The following CNOT6L variants were observed in gnomAD, a reference collection of about 807,000 sequenced individuals.
The protein encoded by CNOT6L is CCR4-NOT transcription complex subunit 6-like.
CNOT6L carries 7 observed loss-of-function variants against 64.0 expected under a neutral mutation model. The ratio of observed to expected loss-of-function variants is 0.11; its 90% CI spans 0.06 to 0.21. The LOEUF (loss-of-function observed/expected upper bound fraction) is 0.21. Ranked by LOEUF, CNOT6L falls within the 10% of genes least tolerant of loss-of-function variation. CNOT6L has a pLI of 1.00. For missense variants in CNOT6L, 245 were observed against 669.0 expected, an observed-to-expected ratio of 0.37 and a Z score of 6.99; for synonymous variants, 193 against 243.4, an observed-to-expected ratio of 0.79 and a Z score of 1.93.
At chr4:77,810,455 CAT>C (rs1732791554) in intron 1 of CNOT6L, among the ~76,000 whole-genome samples, 1 of 152,100 alleles carries the variant, frequency 6.6e-6, no homozygotes, top group Non-Finnish European at 1.5e-5. Flanking sequence ...TTAAACTAAA[CAT>C]AAAATTTTTT....
At position 77,718,035 on chromosome 4, in the gene CNOT6L, CATTT is replaced by C. The variant is rs1560566790; in HGVS notation, c.*2392_*2395del. The C allele has an allele frequency of 8.1e-5, 1 of 12,386 alleles. No homozygotes were observed. Among genetic ancestry groups the C allele is most frequent in the African/African-American group, 8.3e-4 (1 of 1,210 alleles). The allele number at this position is 12,386 out of a possible 1,614,324, so 0.8% of individuals were successfully genotyped here. ...AACTTAAGCTGTTTACAATGTTTCC[CATTT>C]TTTTTTATTTTTTCCCTCTACATTT... is the stretch of plus-strand genomic sequence containing the variant. On this transcript the variant is annotated 3_prime_UTR_variant, in exon 12 of 12. Coordinates refer to ENST00000504123, the MANE Select transcript of CNOT6L (RefSeq NM_144571.3).
intron 6 of CNOT6L, among the ~76,000 whole-genome samples, chr4:77,747,954 A>C (rs977993935): frequency 6.6e-6 from 1 of 152,210 alleles, no homozygotes; most frequent in African/African-American, 2.4e-5. Context: ...CATTTTTCTT[A>C]AATCACCCAA....
chr4:77,797,102 CAAAAAAAAAAA>C (rs386400560), intron 1 of CNOT6L, among the ~76,000 whole-genome samples: 20 of 52,988 alleles, frequency 3.8e-4, no homozygotes, highest in South Asian at 1.2e-3. Flanking sequence ...GACCTTGTCT[CAAAAAAAAAAA>C]AAAAAAAAAA....
chr4:77,811,380 A>G (rs951484393), intron 1 of CNOT6L, among the ~76,000 whole-genome samples: 7 of 152,040 alleles, frequency 4.6e-5, no homozygotes, highest in African/African-American at 1.7e-4. Flanking sequence ...ATCTCTACTA[A>G]AAGTACAAAA....
intron 7 of CNOT6L, among the ~76,000 whole-genome samples, chr4:77,743,828 T>G (rs1577938538): frequency 6.6e-6 from 1 of 151,940 alleles, no homozygotes; most frequent in African/African-American, 2.4e-5. Flanking sequence ...TCTCAAACTC[T>G]TGACCCCAAG....
intron 1 of CNOT6L, among the ~76,000 whole-genome samples, chr4:77,782,326 A>G (rs1421324487): frequency 6.6e-6 from 1 of 151,696 alleles, no homozygotes; most frequent in Non-Finnish European, 1.5e-5. Context: ...TTCCTTATCA[A>G]TATCTTTTTT....
chr4:77,807,226 C>T (rs1258958126), intron 1 of CNOT6L, among the ~76,000 whole-genome samples: 1 of 142,136 alleles, frequency 7.0e-6, no homozygotes, highest in East Asian at 2.1e-4. Context: ...TGCAGTGAGC[C>T]GAGATCGCGC....
At chr4:77,741,047 T>C (rs528629930) in intron 8 of CNOT6L, among the ~76,000 whole-genome samples, 1 of 152,284 alleles carries the variant, frequency 6.6e-6, no homozygotes, top group East Asian at 1.9e-4. Flanking sequence ...CAGAACATAT[T>C]CCCGTAGTTA....
intron 1 of CNOT6L, among the ~76,000 whole-genome samples, chr4:77,815,447 C>G (rs540149605): frequency 6.6e-6 from 1 of 152,188 alleles, no homozygotes; most frequent in East Asian, 1.9e-4. Context: ...TGACTCTTCC[C>G]TCCTTTCTCC....
At chr4:77,767,693 C>T (rs1158367931) in intron 4 of CNOT6L, among the ~76,000 whole-genome samples, 2 of 151,738 alleles carry the variant, frequency 1.3e-5, no homozygotes, top group Non-Finnish European at 2.9e-5. Flanking sequence ...AAATCAGTTA[C>T]AAGGGCCAGG....
chr4:77,769,935 C>T (rs1251097682), intron 4 of CNOT6L, among the ~76,000 whole-genome samples: 1 of 152,132 alleles, frequency 6.6e-6, no homozygotes, highest in East Asian at 1.9e-4. Flanking sequence ...TTGCCTTACA[C>T]CTTAGGACAT....
At chr4:77,748,639 G>A (rs1724477033) in intron 5 of CNOT6L, among the ~76,000 whole-genome samples, 1 of 152,062 alleles carries the variant, frequency 6.6e-6, no homozygotes, top group South Asian at 2.1e-4. Context: ...TGGTATTTAC[G>A]AAAAGTACCT....
chr4:77,818,940 C>T (rs1340408370), intron 1 of CNOT6L: 1 of 634,678 alleles, frequency 1.6e-6, no homozygotes, highest in South Asian at 1.5e-5. Context: ...CTCACTCAGC[C>T]CTCCCCGGCC....
Position 77,728,993 on chromosome 4 carries a change from C to T in CNOT6L, c.1113G>A (p.Lys371=), listed in dbSNP as rs756432605. The change falls in exon 10 of 12, where the codon AAG becomes AAA. Residue 371 remains lysine, a synonymous_variant. Transcript: ENST00000504123. ...MHWDPEYSDV[K]LIQTMMFVSE... is the part of the protein sequence containing the mutation. ...AGACAAACATCATGGTCTGGATGAG[C>T]TTCACATCAGAATACTCTGGGTCCC... The T allele has an allele frequency of 5.6e-6, 9 of 1,613,670 alleles. No individual in the cohort carries two copies. In the Admixed American group the frequency reaches 1.5e-4, roughly 27 times the overall value.
At chr4:77,804,420 C>T (rs1731980034) in intron 1 of CNOT6L, among the ~76,000 whole-genome samples, 1 of 149,968 alleles carries the variant, frequency 6.7e-6, no homozygotes, top group South Asian at 2.1e-4. Flanking sequence ...TGCAGCAAGA[C>T]CCCATCTCAA....
chr4:77,808,738 G>T (rs1732546067), intron 1 of CNOT6L, among the ~76,000 whole-genome samples: 1 of 151,932 alleles, frequency 6.6e-6, no homozygotes, highest in Non-Finnish European at 1.5e-5. Context: ...TCATCATAAA[G>T]GCAAGAGCAA....
intron 5 of CNOT6L, among the ~76,000 whole-genome samples, chr4:77,756,627 A>G (rs534923021): frequency 1.4e-4 from 21 of 152,354 alleles, no homozygotes; most frequent in African/African-American, 4.1e-4. Flanking sequence ...TAAAGTTCCT[A>G]TGTCCTAGGT....
intron 1 of CNOT6L, among the ~76,000 whole-genome samples, chr4:77,776,705 C>T (rs1283168559): frequency 2.0e-5 from 3 of 152,172 alleles, no homozygotes; most frequent in Admixed American, 6.5e-5. Flanking sequence ...ACAGCAGTTT[C>T]GTGAATGGAC....
At chr4:77,773,303 A>G in intron 3 of CNOT6L, 137 bp from the exon 4 acceptor site, 1 of 562,406 alleles carries the variant, frequency 1.8e-6, no homozygotes, top group Non-Finnish European at 3.1e-6. Flanking sequence ...TGCTCATCCA[A>G]AAACATTGCA....
Sources: gnomAD v4.1 joint callset for allele counts (sites outside exome capture counted in the v4.1 genomes callset) on GRCh38, gnomAD v4.1.1 for gene constraint, MANE v1.5 for transcripts, NCBI Gene and HGNC (gene_info 2026-07-23, HGNC 2026-07-21) for gene names.